The following GON4L variants were observed in gnomAD, a reference collection of about 807,000 sequenced individuals.
GON4L encodes GON-4-like protein.
GON4L carries 87 observed loss-of-function variants against 211.8 expected under a neutral mutation model. That is an observed-to-expected ratio of 0.41 (90% CI 0.35 to 0.49). GON4L has a LOEUF of 0.49. GON4L is among the 20% of genes least tolerant of loss of function. The pLI is 0.15. For synonymous variants in GON4L, 875 were observed against 962.6 expected, an observed-to-expected ratio of 0.91 and a Z score of 1.68; for missense variants, 2,155 against 2,659.5, an observed-to-expected ratio of 0.81 and a Z score of 4.17.
At chr1:155,856,596 C>T (rs962118341) in intron 1 of GON4L, among the ~76,000 whole-genome samples, 1 of 150,962 alleles carries the variant, frequency 6.6e-6, no homozygotes, top group Non-Finnish European at 1.5e-5. Flanking sequence ...TTCTCCATCC[C>T]CTCAATCAAC....
intron 14 of GON4L, among the ~76,000 whole-genome samples, chr1:155,782,832 G>GT: frequency 6.6e-6 from 1 of 151,994 alleles, no homozygotes; most frequent in African/African-American, 2.4e-5. Context: ...GCTAATTTTT[G>GT]TATTTTTAGT....
intron 12 of GON4L, among the ~76,000 whole-genome samples, chr1:155,785,796 A>C (rs1478808883): frequency 6.6e-6 from 1 of 152,156 alleles, no homozygotes; most frequent in African/African-American, 2.4e-5. Context: ...TCATTCATTT[A>C]TTCAAAAACA....
At chr1:155,848,126 A>G (rs1388410408) in intron 2 of GON4L, among the ~76,000 whole-genome samples, 1 of 151,860 alleles carries the variant, frequency 6.6e-6, no homozygotes, top group Non-Finnish European at 1.5e-5. Flanking sequence ...TGCTGTGTCT[A>G]TGGGGCAGCC....
intron 21 of GON4L, chr1:155,764,522 C>A (rs1662221827): frequency 7.1e-6 from 2 of 283,480 alleles, no homozygotes; most frequent in Non-Finnish European, 1.4e-5. Flanking sequence ...TCACTGCAAC[C>A]TCTGTCTCTC....
intron 11 of GON4L, among the ~76,000 whole-genome samples, chr1:155,804,230 A>C (rs891408499): frequency 1.3e-5 from 2 of 152,036 alleles, no homozygotes; most frequent in African/African-American, 4.8e-5. Context: ...AAAATTAGCC[A>C]GGCAAGGTGG....
chr1:155,747,929 T>G (rs777643338), downstream of GON4L: 2 of 1,556,556 alleles, frequency 1.3e-6, no homozygotes, highest in Admixed American at 1.8e-5. Flanking sequence ...AACATTCGAA[T>G]CCCATTGGGA....
intron 2 of GON4L, among the ~76,000 whole-genome samples, chr1:155,847,458 C>T (rs1034771098): frequency 6.6e-6 from 1 of 152,122 alleles, no homozygotes; most frequent in Admixed American, 6.5e-5. Context: ...AATTCCAGCA[C>T]TTTAAGAGGC....
In GON4L at chr1:155,767,115, C is replaced by G. The variant is rs1213051525; in HGVS notation, c.2763+310G>C. 4.6e-6 allele frequency: 3 copies of G among 647,108 alleles called. No homozygotes were observed. The South Asian group carries it at 6.1e-5, about 13-fold the overall frequency. The allele number at this position is 647,108 out of a possible 1,614,324, so 40.1% of individuals were successfully genotyped here. On this transcript the variant is annotated intron_variant, in intron 20 of 31. Transcript: ENST00000368331. ...CTTTCTAGGTTTTAGAGACCTTAGA[C>G]AGTCTCAAGGCATCTTTCCAAGAAG...
intron 11 of GON4L, among the ~76,000 whole-genome samples, chr1:155,803,723 G>A (rs541000638): frequency 1.3e-5 from 2 of 152,278 alleles, no homozygotes; most frequent in South Asian, 2.1e-4. Flanking sequence ...CCAAGAGACT[G>A]GGCATGAGAT....
intron 10 of GON4L, among the ~76,000 whole-genome samples, chr1:155,807,730 A>AAAAAAAG (rs1395575383): frequency 4.2e-5 from 6 of 143,892 alleles, no homozygotes; most frequent in African/African-American, 1.6e-4. Context: ...AAAAAAGAAA[A>AAAAAAAG]TCAGAAAGTG....
chr1:155,781,556 G>A (rs1434046352), intron 14 of GON4L, among the ~76,000 whole-genome samples: 8 of 151,888 alleles, frequency 5.3e-5, no homozygotes, highest in Admixed American at 5.3e-4. Context: ...TCTGCGTCCT[G>A]GGTTCAAGCG....
chr1:155,745,291 T>A (rs1383388873), downstream of GON4L, among the ~76,000 whole-genome samples: 1 of 152,098 alleles, frequency 6.6e-6, no homozygotes, highest in African/African-American at 2.4e-5. Flanking sequence ...CAGAGATAGA[T>A]TAATACATGT....
chr1:155,786,178 T>C (rs1398843992), intron 12 of GON4L, among the ~76,000 whole-genome samples: 1 of 152,046 alleles, frequency 6.6e-6, no homozygotes, highest in East Asian at 1.9e-4. Flanking sequence ...GCTTGGGATA[T>C]ATGAGAGAAT....
In GON4L at chr1:155,751,827, C is replaced by T; in HGVS notation, c.6516G>A (p.Gly2172=). 6.2e-7 allele frequency: 1 copy of T among 1,613,744 alleles called. No homozygotes were observed. The highest frequency in any genetic ancestry group is 1.1e-5 in the South Asian group (1 of 91,074). The part of the protein sequence containing the change: ...RVILTMCQEQ[G]AQPQTFNIIS... ...TGATGTTGAAGGTCTGTGGCTGTGC[C>T]CCTTGCTCCTGGCACATGGTGAGGA... The change falls in exon 31 of 32, where the codon GGG becomes GGA. Residue 2172 remains glycine (G), a synonymous_variant. Transcript: ENST00000368331.
intron 5 of GON4L, among the ~76,000 whole-genome samples, chr1:155,821,023 T>C (rs1668684144): frequency 6.6e-6 from 1 of 152,164 alleles, no homozygotes; most frequent in East Asian, 1.9e-4. Context: ...TCCCAGCACT[T>C]TGGGAGGCCG....
Position 155,762,185 on chromosome 1 carries a change from C to T in GON4L, c.4911+5G>A. On this transcript the variant is annotated splice_donor_5th_base_variant and intron_variant, in intron 23 of 31. Transcript: ENST00000368331. ...TGGCAATAACAGGAAGCAGCATTTG[C>T]CTACCCTGGTCAGATAAGCTTGGGC... The T allele has an allele frequency of 6.2e-7, 1 of 1,600,568 alleles. No individual in the cohort carries two copies. The highest frequency in any genetic ancestry group is 8.5e-7 in the Non-Finnish European group (1 of 1,173,064).
chr1:155,765,646 G>T lies in GON4L; in HGVS notation c.3827C>A (p.Ala1276Glu). The T allele has an allele frequency of 1.2e-6, 2 of 1,614,188 alleles. No homozygotes were observed. Among genetic ancestry groups the T allele is most frequent in the Non-Finnish European group, 1.7e-6 (2 of 1,180,034 alleles). Residue 1276 changes from alanine (A) to glutamate (E), a missense_variant, in exon 21 of 32, where the codon GCA becomes GAA. By Grantham distance (107) the Ala-to-Glu change is moderately radical. Around this residue, in one of 6 missense-constraint regions of GON4L, gnomAD observed 615 missense variants for 625.7 expected, o/e 0.98. Transcript: ENST00000368331. ...EHSPGPPLAD[A>E]ECQEGLSENS... is the part of the protein sequence containing the mutation. ...CTCTGACAATCCTTCTTGGCACTCTGCATCTGCTAGTGGAGGCCCTGGGCT... is the reference window on the plus strand; with the variant it reads ...CTCTGACAATCCTTCTTGGCACTCTTCATCTGCTAGTGGAGGCCCTGGGCT...
chr1:155,834,093 G>C (rs1286216585), intron 2 of GON4L, among the ~76,000 whole-genome samples: 2 of 151,958 alleles, frequency 1.3e-5, no homozygotes, highest in Non-Finnish European at 2.9e-5. Context: ...CAAAGTGTTG[G>C]GATTACAGGT....
rs1281672452 is a variant in GON4L, at chr1:155,821,490, T to C, written c.947A>G (p.Glu316Gly). 6.3e-7 allele frequency: 1 copy of C among 1,592,788 alleles called. No homozygotes were observed. Among genetic ancestry groups the C allele is most frequent in the South Asian group, 1.1e-5 (1 of 90,704 alleles). ...AMMKAAISET[E>G]DMPMFEPKMT... Reference sequence around the variant, plus strand: ...ACTACTCACAAACATTGGCATATCTTCCGTCTCACTGATGGCTGCTTTCAT... The same window carrying C: ...ACTACTCACAAACATTGGCATATCTCCCGTCTCACTGATGGCTGCTTTCAT... Residue 316 changes from glutamate to glycine, a missense_variant, in exon 5 of 32, where the codon GAA becomes GGA. By Grantham distance (98) the Glu-to-Gly change is moderately conservative (BLOSUM62 -2). Transcript: ENST00000368331.
Sources: allele counts gnomAD v4.1 joint callset (sites outside exome capture counted in the v4.1 genomes callset), GRCh38; gene constraint gnomAD v4.1.1; regional missense constraint gnomAD v4.1.1; transcripts MANE v1.5; gene names NCBI Gene and HGNC (gene_info 2026-07-23, HGNC 2026-07-21).